The following PREX2 variants were observed in gnomAD, a reference collection of about 807,000 sequenced individuals.
PREX2 encodes phosphatidylinositol-3,4,5-trisphosphate dependent Rac exchange factor 2, also known as phosphatidylinositol 3,4,5-trisphosphate-dependent Rac exchanger 2 protein.
In PREX2, 107 loss-of-function variants were observed where a neutral mutation model predicts 203.2. The observed-to-expected ratio is 0.53, with a 90% CI of 0.45 to 0.62. PREX2 has a LOEUF of 0.62. PREX2 is among the 20% of genes least tolerant of loss of function. The pLI is 0.00. For missense variants in PREX2, 1,777 were observed against 1,955.9 expected, an observed-to-expected ratio of 0.91 and a Z score of 1.72; for synonymous variants, 672 against 663.6, an observed-to-expected ratio of 1.01 and a Z score of -0.19.
In PREX2 at chr8:68,064,543, T is replaced by G. The variant is rs13262812; in HGVS notation, c.1339+3764T>G. Among the ~76,000 whole-genome samples, 753 of 85,732 alleles carry G rather than the reference T, an allele frequency of 8.8e-3. 2 individuals are homozygous for G. The highest frequency in any genetic ancestry group is 0.014 in the Non-Finnish European group (569 of 39,486). 56.2% of individuals were successfully genotyped at this position (85,732 alleles called of 152,430 possible). The stretch of plus-strand genomic sequence containing the variant: ...GCCACCATACCCAGCTAATTTGTTT[T>G]TTTTTTTTTTAATTTGTAGAAATGA... On this transcript the variant is annotated intron_variant, in intron 11 of 39. Coordinates refer to ENST00000288368, the MANE Select transcript of PREX2 (RefSeq NM_024870.4).
intron 10 of PREX2, among the ~76,000 whole-genome samples, chr8:68,056,354 A>G (rs1215183722): frequency 6.6e-6 from 1 of 152,184 alleles, no homozygotes; most frequent in African/African-American, 2.4e-5. Flanking sequence ...GAAAGGAAAG[A>G]TAAGAGACAG....
intron 35 of PREX2, among the ~76,000 whole-genome samples, chr8:68,188,544 G>A (rs777575721): frequency 1.3e-5 from 2 of 152,178 alleles, no homozygotes; most frequent in Non-Finnish European, 2.9e-5. Context: ...AGACATACTT[G>A]AGACTGGGTA....
Position 68,065,420 on chromosome 8 carries a change from G to A in PREX2, c.1340-3613G>A, listed in dbSNP as rs192265646. 3.0e-3 allele frequency among the ~76,000 whole-genome samples: 464 copies of A among 152,144 alleles called. 10 individuals are homozygous for A. Among genetic ancestry groups the A allele is most frequent in the Admixed American group, 0.028 (423 of 15,276 alleles). On this transcript the variant is annotated intron_variant, in intron 11 of 39. Coordinates refer to ENST00000288368, the MANE Select transcript of PREX2 (RefSeq NM_024870.4). ...ATTTCTTTCATACAGGCTTTTTTACGTATGACTTGGCTTGGGGAAAAGATA... is the reference window on the plus strand; with the variant it reads ...ATTTCTTTCATACAGGCTTTTTTACATATGACTTGGCTTGGGGAAAAGATA...
chr8:68,132,978 T>A (rs569690237), intron 31 of PREX2, among the ~76,000 whole-genome samples: 1 of 152,294 alleles, frequency 6.6e-6, no homozygotes, highest in East Asian at 1.9e-4. Flanking sequence ...GGTGTATTGG[T>A]CTATTTTCTC....
chr8:68,119,640 A>T (rs1421612349), intron 28 of PREX2, 126 bp downstream of exon 28: 2 of 670,184 alleles, frequency 3.0e-6, no homozygotes, highest in East Asian at 5.1e-5. Context: ...CACCTCCTTT[A>T]CCTCAATTTC....
At chr8:68,053,394 T>C (rs1430700384) in intron 9 of PREX2, 148 bp downstream of exon 9, 4 of 772,548 alleles carry the variant, frequency 5.2e-6, no homozygotes, top group Non-Finnish European at 6.2e-6. Flanking sequence ...AGTTTTGACA[T>C]TGAAAGCAAT....
At chr8:68,178,024 T>G (rs756602895) in intron 35 of PREX2, among the ~76,000 whole-genome samples, 18 of 152,222 alleles carry the variant, frequency 1.2e-4, no homozygotes, top group Non-Finnish European at 2.5e-4. Flanking sequence ...CACATTTTCT[T>G]TATCCAGTCT....
At chr8:68,042,315 C>A (rs1808222770) in intron 7 of PREX2, among the ~76,000 whole-genome samples, 1 of 151,916 alleles carries the variant, frequency 6.6e-6, no homozygotes, top group Non-Finnish European at 1.5e-5. Flanking sequence ...TCAGGAGAAA[C>A]TAGTTTTTTA....
At chr8:68,036,085 G>A (rs1224361635) in intron 6 of PREX2, among the ~76,000 whole-genome samples, 1 of 152,094 alleles carries the variant, frequency 6.6e-6, no homozygotes, top group African/African-American at 2.4e-5. Context: ...GAGCTGATGG[G>A]GACTTATAAT....
chr8:68,204,881 C>G (rs900157672), intron 37 of PREX2, among the ~76,000 whole-genome samples: 11 of 151,608 alleles, frequency 7.3e-5, no homozygotes, highest in Non-Finnish European at 2.9e-5. Flanking sequence ...CGGGGTTTCA[C>G]CGTGTTAGCC....
chr8:68,074,688 G>T (rs867424529), intron 14 of PREX2, among the ~76,000 whole-genome samples: 54 of 151,272 alleles, frequency 3.6e-4, no homozygotes, highest in Middle Eastern at 3.4e-3. Context: ...TTGTTTGTTT[G>T]TTTTTTGTTT....
chr8:68,007,069 G>A (rs142045590), intron 1 of PREX2, among the ~76,000 whole-genome samples: 2 of 152,290 alleles, frequency 1.3e-5, no homozygotes, highest in East Asian at 1.9e-4. Context: ...TTCAGCTGTC[G>A]ATGGAGCTGC....
chr8:68,107,216 C>T (rs192936345), intron 23 of PREX2, among the ~76,000 whole-genome samples: 211 of 152,126 alleles, frequency 1.4e-3, no homozygotes, highest in African/African-American at 4.3e-3. Context: ...GGAAACAGTT[C>T]GGCAATGAAG....
chr8:68,107,993 C>T (rs1810452397), intron 23 of PREX2, 116 bp from the exon 24 acceptor site: 5 of 640,818 alleles, frequency 7.8e-6, no homozygotes, highest in Admixed American at 6.1e-5. Flanking sequence ...TTCACTCATT[C>T]CAGTTGACAT....
At chr8:68,015,062 A>G (rs1450126562) in intron 1 of PREX2, among the ~76,000 whole-genome samples, 5 of 152,236 alleles carry the variant, frequency 3.3e-5, no homozygotes, top group African/African-American at 1.2e-4. Context: ...GTGGGAATGA[A>G]TACAGAGATA....
chr8:68,042,419 G>A (rs1585730927), intron 7 of PREX2, among the ~76,000 whole-genome samples: 1 of 152,074 alleles, frequency 6.6e-6, no homozygotes, highest in East Asian at 1.9e-4. Flanking sequence ...AGCGTTTTTA[G>A]TTTCTTGCAA....
rs1809584140 is a variant in PREX2 at position 68,083,222 on chromosome 8, T to G, written c.1879-18T>G. ...ATTAAAATATACTTTGACTTATTTT[T>G]TGTAATTTCTCTCTTAGATGGCTGG... On this transcript the variant is annotated intron_variant, in intron 17 of 39. Coordinates refer to ENST00000288368, the MANE Select transcript of PREX2 (RefSeq NM_024870.4). 4 of 1,550,664 alleles carry G rather than the reference T, an allele frequency of 2.6e-6. No homozygotes were observed. The East Asian group carries it at 9.0e-5, about 35-fold the overall frequency.
At chr8:68,127,474 C>G (rs377466306) in intron 31 of PREX2, 55 bp downstream of exon 31, 22 of 1,263,990 alleles carry the variant, frequency 1.7e-5, no homozygotes, top group Middle Eastern at 2.1e-4. Context: ...GGCCCAGGAT[C>G]ATAAAGGCCT....
chr8:68,055,999 G>GACTTTCTT (rs1437531749), intron 10 of PREX2, 25 bp downstream of exon 10: 1 of 1,586,030 alleles, frequency 6.3e-7, no homozygotes, highest in Admixed American at 1.9e-5. Context: ...TTGGGTGCAT[G>GACTTTCTT]ACTTTCTTTT....
Sources: allele counts gnomAD v4.1 joint callset (sites outside exome capture counted in the v4.1 genomes callset), GRCh38; gene constraint gnomAD v4.1.1; transcripts MANE v1.5; gene names NCBI Gene and HGNC (gene_info 2026-07-23, HGNC 2026-07-21).